UGT8: variants seen among roughly 807,000 people sequenced by gnomAD.
UGT8 encodes the protein 2-hydroxyacylsphingosine 1-beta-galactosyltransferase.
A neutral mutation model predicts 40.5 loss-of-function variants in UGT8; 12 were observed. The ratio of observed to expected loss-of-function variants is 0.30; its 90% CI spans 0.19 to 0.48. UGT8 has a LOEUF of 0.48. UGT8 is among the 20% of genes least tolerant of loss of function. UGT8 has a pLI of 0.99. For synonymous variants in UGT8, 224 were observed against 240.4 expected (o/e 0.93, Z 0.63); for missense variants, 513 against 648.7 (o/e 0.79, Z 2.27).
intron 2 of UGT8, among the ~76,000 whole-genome samples, chr4:114,628,134 T>G (rs991683971): frequency 2.0e-5 from 3 of 148,656 alleles, no homozygotes; most frequent in South Asian, 2.1e-4. Context: ...AGTTGTTGAG[T>G]TTTTTTTTTA....
intron 2 of UGT8, among the ~76,000 whole-genome samples, chr4:114,632,003 G>A (rs1001324031): frequency 1.3e-5 from 2 of 152,190 alleles, no homozygotes; most frequent in Non-Finnish European, 2.9e-5. Context: ...GATCTAAATA[G>A]AGTGGCCATG....
chr4:114,616,842 T>A (rs1640802472), intron 1 of UGT8, among the ~76,000 whole-genome samples: 1 of 152,200 alleles, frequency 6.6e-6, no homozygotes, highest in South Asian at 2.1e-4. Flanking sequence ...TTAAAATATT[T>A]CAGTAGTATA....
chr4:114,603,490 TAGG>T (rs1345271361), intron 1 of UGT8, among the ~76,000 whole-genome samples: 4 of 151,442 alleles, frequency 2.6e-5, no homozygotes, highest in Non-Finnish European at 5.9e-5. Flanking sequence ...GGTAGAGAAA[TAGG>T]AAGCAATAAA....
At chr4:114,667,999 A>G (rs1578469580) in intron 4 of UGT8, 86 bp from the exon 5 acceptor site, 1 of 1,535,316 alleles carries the variant, frequency 6.5e-7, no homozygotes, top group South Asian at 1.3e-5. Flanking sequence ...TGTTTACTGT[A>G]GTGCCGATTT....
At chr4:114,616,935 T>A (rs1731478440) in intron 1 of UGT8, among the ~76,000 whole-genome samples, 1 of 152,128 alleles carries the variant, frequency 6.6e-6, no homozygotes, top group Non-Finnish European at 1.5e-5. Context: ...TCTAACTTGT[T>A]TTCTGGAGCT....
intron 2 of UGT8, among the ~76,000 whole-genome samples, chr4:114,629,081 T>C (rs956015558): frequency 2.6e-5 from 4 of 152,052 alleles, no homozygotes; most frequent in Non-Finnish European, 5.9e-5. Context: ...CCAGGGTCCT[T>C]GGGGGTAAAA....
At chr4:114,611,402 CCATA>C (rs1731030334) in intron 1 of UGT8, among the ~76,000 whole-genome samples, 1 of 66,678 alleles carries the variant, frequency 1.5e-5, no homozygotes, top group African/African-American at 7.8e-5. Context: ...CCATATATAT[CCATA>C]TATATATATA....
intron 1 of UGT8, among the ~76,000 whole-genome samples, chr4:114,604,146 G>A (rs189464312): frequency 9.9e-5 from 15 of 152,206 alleles, no homozygotes; most frequent in African/African-American, 3.4e-4. Flanking sequence ...GGTGGCATAT[G>A]CATTGTGTTT....
chr4:114,653,829 T>G (rs1734021622), intron 2 of UGT8, among the ~76,000 whole-genome samples: 1 of 152,082 alleles, frequency 6.6e-6, no homozygotes, highest in Admixed American at 6.6e-5. Flanking sequence ...GTGCTGTTAA[T>G]GAAGCTCATG....
intron 1 of UGT8, among the ~76,000 whole-genome samples, chr4:114,614,876 T>C (rs1190342586): frequency 6.6e-6 from 1 of 151,234 alleles, no homozygotes; most frequent in East Asian, 1.9e-4. Context: ...GGTGGAAGTT[T>C]TAACCAACAA....
chr4:114,635,028 CTT>C (rs200596668), intron 2 of UGT8, among the ~76,000 whole-genome samples: 15 of 141,464 alleles, frequency 1.1e-4, no homozygotes, highest in East Asian at 2.0e-4. Flanking sequence ...ACTAGTGAAG[CTT>C]TTTTTTTTTT....
intron 1 of UGT8, among the ~76,000 whole-genome samples, chr4:114,608,277 A>T (rs753131772): frequency 1.3e-5 from 2 of 152,022 alleles, no homozygotes; most frequent in Non-Finnish European, 2.9e-5. Flanking sequence ...ACATATATTG[A>T]TGTTAGCAAT....
intron 2 of UGT8, among the ~76,000 whole-genome samples, chr4:114,641,052 G>C (rs1378321075): frequency 1.3e-5 from 2 of 152,150 alleles, no homozygotes; most frequent in Non-Finnish European, 2.9e-5. Flanking sequence ...CTAAACTTTT[G>C]CATGTGCTGT....
At chr4:114,604,669 TG>T (rs1435615816) in intron 1 of UGT8, among the ~76,000 whole-genome samples, 2 of 152,168 alleles carry the variant, frequency 1.3e-5, no homozygotes, top group Non-Finnish European at 1.5e-5. Flanking sequence ...TGCAGTGGTT[TG>T]GAAGTCAACC....
chr4:114,620,884 G>A (rs1298819934), intron 1 of UGT8, among the ~76,000 whole-genome samples: 1 of 152,108 alleles, frequency 6.6e-6, no homozygotes, highest in African/African-American at 2.4e-5. Flanking sequence ...GAGGGTTAAT[G>A]TATTCTAAGG....
At chr4:114,657,901 G>A (rs1021854707) in intron 2 of UGT8, among the ~76,000 whole-genome samples, 3 of 152,266 alleles carry the variant, frequency 2.0e-5, no homozygotes, top group Non-Finnish European at 2.9e-5. Context: ...AGAATAGGTG[G>A]CATCATTAAG....
intron 1 of UGT8, among the ~76,000 whole-genome samples, chr4:114,622,215 TG>T (rs1731851850): frequency 6.6e-6 from 1 of 151,280 alleles, no homozygotes; most frequent in South Asian, 2.1e-4. Context: ...TTTGGTTTTT[TG>T]TTCTTGCGAT....
At chr4:114,618,715 A>T (rs1731587312) in intron 1 of UGT8, among the ~76,000 whole-genome samples, 2 of 152,168 alleles carry the variant, frequency 1.3e-5, no homozygotes, top group South Asian at 4.1e-4. Flanking sequence ...TTCTCTTTCC[A>T]GATAATCCTT....
intron 5 of UGT8, among the ~76,000 whole-genome samples, chr4:114,672,369 C>T (rs552985085): frequency 2.0e-5 from 3 of 152,180 alleles, no homozygotes; most frequent in South Asian, 2.1e-4. Flanking sequence ...CACAAGCACA[C>T]GTATGTTTAT....
Sources: gnomAD v4.1 joint callset for allele counts (sites outside exome capture counted in the v4.1 genomes callset) on GRCh38, gnomAD v4.1.1 for gene constraint, MANE v1.5 for transcripts, NCBI Gene and HGNC (gene_info 2026-07-23, HGNC 2026-07-21) for gene names.